Variants in INTS3 observed in about 807,000 individuals in gnomAD.
INTS3 encodes SOSS complex subunit A.
A neutral mutation model predicts 146.3 loss-of-function variants in INTS3; 34 were observed. That is an observed-to-expected ratio of 0.23 (90% confidence interval 0.18 to 0.31). The LOEUF is 0.31. Among genes scored for constraint, INTS3 ranks in the 10% least tolerant of loss-of-function variants. INTS3 has a pLI of 1.00. For synonymous variants in INTS3, 475 were observed against 494.9 expected (o/e 0.96, Z 0.53); for missense variants, 757 against 1,304.2 (o/e 0.58, Z 6.46).
Position 153,767,809 on chromosome 1 carries a change from G to T in INTS3, c.2226G>T (p.Thr742=). The change falls in exon 21 of 30, where the codon ACG becomes ACT. Residue 742 remains threonine, a synonymous_variant. Transcript: ENST00000318967. ...EDDVRLLCHL[T]PSIYTEFPDE... is the part of the protein sequence containing the mutation. ...ATGTGCGGCTCCTGTGCCACCTCAC[G>T]CCCTCCATCTACACAGAGGTCAGTG... 1 of 1,507,136 alleles carries T rather than the reference G, an allele frequency of 6.6e-7. No individual in the cohort carries two copies. The allele number at this position is 1,507,136 out of a possible 1,614,324, so 93.4% of individuals were successfully genotyped here. A position where few individuals can be genotyped will look rare whatever the true frequency, so the allele number is the denominator to read the frequency against.
At chr1:153,752,082 A>G (rs1671979176) in intron 7 of INTS3, 197 bp from the exon 8 acceptor site, 2 of 611,986 alleles carry the variant, frequency 3.3e-6, no homozygotes, top group Admixed American at 3.0e-5. Flanking sequence ...CTCATCCTTG[A>G]TATCAGTCCC....
rs1558004660 is a variant in INTS3, at chr1:153,761,496, G to A, written c.1410-74G>A. The A allele has an allele frequency of 8.9e-5, 96 of 1,078,012 alleles. No individual in the cohort carries two copies. In the East Asian group the frequency reaches 2.3e-3, roughly 26 times the overall value. The allele number at this position is 1,078,012 out of a possible 1,614,324, so 66.8% of individuals were successfully genotyped here. ...CTGCACTCCAGCCTAGGTGATGAGAGTGACACTCTGTCTCAAAAAAAAATA... is the reference window on the plus strand; with the variant it reads ...CTGCACTCCAGCCTAGGTGATGAGAATGACACTCTGTCTCAAAAAAAAATA... On this transcript the variant is annotated intron_variant, in intron 13 of 29. Coordinates refer to ENST00000318967, the MANE Select transcript of INTS3 (RefSeq NM_023015.5).
chr1:153,748,884 AGG>A (rs1393777906), intron 6 of INTS3, 129 bp downstream of exon 6: 1 of 762,824 alleles, frequency 1.3e-6, no homozygotes, highest in Non-Finnish European at 2.3e-6. Flanking sequence ...AGGCAAGGAG[AGG>A]GAGAGACAAG....
intron 1 of INTS3, among the ~76,000 whole-genome samples, chr1:153,739,268 T>C (rs1671425476): frequency 1.3e-5 from 2 of 152,052 alleles, no homozygotes; most frequent in African/African-American, 2.4e-5. Context: ...TTTTTCACCA[T>C]GTTGGCTAGG....
chr1:153,746,236 A>T (rs901645666), intron 3 of INTS3, among the ~76,000 whole-genome samples: 1 of 152,042 alleles, frequency 6.6e-6, no homozygotes, highest in African/African-American at 2.4e-5. Context: ...GTTCAACCAA[A>T]CCCATTTTGC....
rs1446610069 is a variant in INTS3 at position 153,772,036 on chromosome 1, G to A, written c.2720+73G>A. The A allele has an allele frequency of 5.0e-6, 7 of 1,407,024 alleles. No homozygotes were observed. In the African/African-American group the frequency reaches 1.0e-4, roughly 20 times the overall value. 87.2% of individuals were successfully genotyped at this position (1,407,024 alleles called of 1,614,324 possible). A position where few individuals can be genotyped will look rare whatever the true frequency, so the allele number is the denominator to read the frequency against. ...GATTGCTGTCGGTGGTGGTGGTGGTGGTGGTGGTGGTGGTGATGGGGGTCA... is the reference window on the plus strand; with the variant it reads ...GATTGCTGTCGGTGGTGGTGGTGGTAGTGGTGGTGGTGGTGATGGGGGTCA... On this transcript the variant is annotated intron_variant, in intron 26 of 29. Coordinates refer to ENST00000318967, the MANE Select transcript of INTS3 (RefSeq NM_023015.5). The surrounding 1 kb of genome is among the most constrained non-coding windows in gnomAD (Gnocchi z 4.6).
At chr1:153,759,477 G>C (rs746667452) in intron 10 of INTS3, 49 bp from the exon 11 acceptor site, 4 of 1,212,766 alleles carry the variant, frequency 3.3e-6, no homozygotes, top group Non-Finnish European at 4.9e-6. Flanking sequence ...TGAAATGGAG[G>C]GGGGTGATTG....
Position 153,773,984 on chromosome 1 carries a change from CTGTTTTTTTTTTTGTTTTTTTT to C in INTS3, c.*727_*748del, listed in dbSNP as rs1261414344. On this transcript the variant is annotated 3_prime_UTR_variant, in exon 30 of 30. Coordinates refer to ENST00000318967, the MANE Select transcript of INTS3 (RefSeq NM_023015.5). Reference sequence around the variant, plus strand: ...GTCAAATGATCCCATTTCCTTGAGTCTGTTTTTTTTTTTGTTTTTTTTTGTTTTTTTTTTGGCAGAGATAATC... The same window carrying C: ...GTCAAATGATCCCATTTCCTTGAGTCTGTTTTTTTTTTGGCAGAGATAATC... 3.1e-5 allele frequency: 5 copies of C among 162,592 alleles called. No individual in the cohort carries two copies. In the East Asian group the frequency reaches 5.9e-4, roughly 19 times the overall value. The allele number at this position is 162,592 out of a possible 1,614,324, so 10.1% of individuals were successfully genotyped here.
At chr1:153,769,199 T>C (rs1293543422) in intron 22 of INTS3, among the ~76,000 whole-genome samples, 1 of 152,216 alleles carries the variant, frequency 6.6e-6, no homozygotes, top group Non-Finnish European at 1.5e-5. Flanking sequence ...TCCATATTCT[T>C]TGGGCACTCC....
chr1:153,752,439 A>G, intron 8 of INTS3, 31 bp downstream of exon 8: 1 of 1,591,218 alleles, frequency 6.3e-7, no homozygotes, highest in Non-Finnish European at 8.5e-7. Flanking sequence ...CCTGTCCTTG[A>G]GAGCTGGGAG....
chr1:153,748,499 TTTCC>T, intron 5 of INTS3, 186 bp from the exon 6 acceptor site: 2 of 658,942 alleles, frequency 3.0e-6, no homozygotes, highest in Non-Finnish European at 5.5e-6. Context: ...GAACCTTCCC[TTTCC>T]TTCTTTCTGG....
At chr1:153,766,340 C>G (rs1672581958) in intron 20 of INTS3, 1 of 152,050 alleles carries the variant, frequency 6.6e-6, no homozygotes, top group South Asian at 2.1e-4. Context: ...CTCTGTCACC[C>G]AGGCTGGAGT....
At chr1:153,756,100 C>T (rs564799567) in intron 9 of INTS3, among the ~76,000 whole-genome samples, 20 of 151,856 alleles carry the variant, frequency 1.3e-4, no homozygotes, top group Admixed American at 2.0e-4. Flanking sequence ...CACAGCTGGG[C>T]GCTGTGGCTC....
At position 153,773,032 on chromosome 1, in the gene INTS3, C is replaced by T; in HGVS notation, c.3002C>T (p.Ala1001Val). The T allele has an allele frequency of 1.2e-6, 2 of 1,614,214 alleles. No individual in the cohort carries two copies. Among genetic ancestry groups the T allele is most frequent in the Non-Finnish European group, 1.7e-6 (2 of 1,180,036 alleles). ...ALSSPRSRKNATQPPNAEEES... is the reference protein window; with the variant it reads ...ALSSPRSRKNVTQPPNAEEES... ...TCCAGCCCTCGAAGTCGAAAGAATG[C>T]CACACAGCCCCCCAATGCCGAAGAA... Residue 1001 changes from alanine to valine, a missense_variant, in exon 29 of 30, where the codon GCC becomes GTC. Physicochemically the swap from Ala to Val is moderately conservative, Grantham distance 64. Transcript: ENST00000318967.
chr1:153,771,071 C>T (rs367819798), intron 25 of INTS3, among the ~76,000 whole-genome samples: 6 of 152,042 alleles, frequency 3.9e-5, no homozygotes, highest in Non-Finnish European at 5.9e-5. Context: ...TGCTGGCCAC[C>T]GCACAGCTAA....
rs552215154 is a variant in INTS3, at chr1:153,742,478, C to G, written c.318+1110C>G. Among the ~76,000 whole-genome samples the G allele has an allele frequency of 5.3e-3, 788 of 147,546 alleles. 11 individuals are homozygous for G. Among genetic ancestry groups the G allele is most frequent in the African/African-American group, 0.019 (736 of 39,760 alleles). On this transcript the variant is annotated intron_variant, in intron 3 of 29. Coordinates refer to ENST00000318967, the MANE Select transcript of INTS3 (RefSeq NM_023015.5). ...TCCTCTTGTGTGGGTTTTTTAATCTCTGTGTGTGTGTGTGTGTGTGTGTGT... is the reference window on the plus strand; with the variant it reads ...TCCTCTTGTGTGGGTTTTTTAATCTGTGTGTGTGTGTGTGTGTGTGTGTGT...
At position 153,769,677 on chromosome 1, in the gene INTS3, T is replaced by TC. The variant is rs1255030291; in HGVS notation, c.2314-89dup. 2.1e-4 allele frequency: 164 copies of TC among 774,202 alleles called. 1 individual carries two copies. The African/African-American group carries it at 2.8e-3, about 13-fold the overall frequency. 48.0% of individuals were successfully genotyped at this position (774,202 alleles called of 1,614,324 possible). ...CTTCACTTCCTCTAATTTTTTTTTTTCCCTTACGAGCCCTCCTGCGTCCCC... is the reference window on the plus strand; with the variant it reads ...CTTCACTTCCTCTAATTTTTTTTTTTCCCCTTACGAGCCCTCCTGCGTCCCC... On this transcript the variant is annotated intron_variant, in intron 22 of 29. Coordinates refer to ENST00000318967, the MANE Select transcript of INTS3 (RefSeq NM_023015.5).
chr1:153,752,479 A>T, intron 8 of INTS3, 71 bp downstream of exon 8: 1 of 1,500,260 alleles, frequency 6.7e-7, no homozygotes. Flanking sequence ...TTGAATCAAG[A>T]AGGTAGAGGT....
At chr1:153,759,656 A>C in intron 11 of INTS3, 43 bp downstream of exon 11, 1 of 1,248,638 alleles carries the variant, frequency 8.0e-7, no homozygotes, top group Non-Finnish European at 1.2e-6. Context: ...CCATCCCCCT[A>C]AGCCCCCACT....
Sources: gnomAD v4.1 joint callset for allele counts (sites outside exome capture counted in the v4.1 genomes callset) on GRCh38, gnomAD v4.1.1 for gene constraint, Gnocchi (gnomAD v3.1) non-coding constraint, MANE v1.5 for transcripts, NCBI Gene and HGNC (gene_info 2026-07-23, HGNC 2026-07-21) for gene names.